Variants in PCGF3 observed in about 807,000 individuals in gnomAD.
PCGF3 encodes the protein polycomb group ring finger 3, also known as polycomb group RING finger protein 3.
Under a neutral mutation model 33.1 loss-of-function variants are expected in PCGF3, and 7 were observed. That is an observed-to-expected ratio of 0.21 (90% confidence interval 0.12 to 0.40). PCGF3 has a LOEUF of 0.40. Among genes scored for constraint, PCGF3 ranks in the 10% least tolerant of loss-of-function variants. The pLI is 1.00. For missense variants in PCGF3, 211 were observed against 313.3 expected (o/e 0.67, Z 2.46); for synonymous variants, 153 against 121.3 (o/e 1.26, Z -1.72).
intron 1 of PCGF3, among the ~76,000 whole-genome samples, chr4:726,524 C>T (rs1743340297): frequency 6.6e-6 from 1 of 152,232 alleles, no homozygotes; most frequent in South Asian, 2.1e-4. Context: ...TTTTGAATAA[C>T]TCAGGGTGCT....
At chr4:739,715 C>T (rs1444587641) in intron 6 of PCGF3, among the ~76,000 whole-genome samples, 3 of 152,216 alleles carry the variant, frequency 2.0e-5, no homozygotes, top group African/African-American at 7.2e-5. Flanking sequence ...ACCTCCGTTC[C>T]ATCGCTCGTC....
At chr4:707,355 G>T (rs1742352120) in intron 1 of PCGF3, among the ~76,000 whole-genome samples, 1 of 152,216 alleles carries the variant, frequency 6.6e-6, no homozygotes, top group Non-Finnish European at 1.5e-5. Flanking sequence ...ACGAGGGCCA[G>T]GACCCCATGA....
In PCGF3 at chr4:714,327, C is replaced by T. The variant is rs944325882; in HGVS notation, c.-190+8357C>T. Among the ~76,000 whole-genome samples the T allele has an allele frequency of 7.9e-5, 12 of 152,300 alleles. No individual in the cohort carries two copies. In the East Asian group the frequency reaches 1.7e-3, roughly 22 times the overall value. On this transcript the variant is annotated intron_variant, in intron 1 of 10. Transcript: ENST00000362003. ...CTGCCCAGACCCACTCGTGGCCGTT[C>T]GGCCGCATTTGCTTCCTCTCCTTCT...
chr4:744,485 G>T, intron 7 of PCGF3, 115 bp from the exon 8 acceptor site: 3 of 773,784 alleles, frequency 3.9e-6, no homozygotes, highest in Middle Eastern at 2.5e-4. Context: ...CGCTCCGGGG[G>T]TCCAGAGTCT....
exon 9 of PCGF3, chr4:761,344 C>T: frequency 6.2e-7 from 1 of 1,611,674 alleles, no homozygotes; most frequent in African/African-American, 1.3e-5. Context: ...GGATCCGCTG[C>T]TCAGCCCAGG....
exon 11 of PCGF3, chr4:768,387 C>G (rs1348537185): frequency 1.3e-5 from 2 of 152,220 alleles, no homozygotes; most frequent in Admixed American, 1.3e-4. Context: ...TCTTTCCTTT[C>G]TGTCAACCTC....
At chr4:723,890 C>G (rs1486156047) in intron 1 of PCGF3, 1 of 152,496 alleles carries the variant, frequency 6.6e-6, no homozygotes, top group African/African-American at 2.4e-5. Context: ...ATGGCCGCAG[C>G]GCATTCCGGG....
chr4:765,022 C>A, exon 10 of PCGF3: 1 of 1,613,990 alleles, frequency 6.2e-7, no homozygotes, highest in Non-Finnish European at 8.5e-7. Flanking sequence ...TGGGCAAGGA[C>A]CACACACTCA....
At chr4:718,436 T>G (rs1479189032) in intron 1 of PCGF3, among the ~76,000 whole-genome samples, 1 of 152,162 alleles carries the variant, frequency 6.6e-6, no homozygotes. Context: ...CCCACCTTAG[T>G]GAATGTACCT....
chr4:766,574 G>A (rs1745385873), exon 11 of PCGF3: 1 of 152,306 alleles, frequency 6.6e-6, no homozygotes, highest in Non-Finnish European at 1.5e-5. Context: ...AGATTTAGAA[G>A]TTATATAAAA....
intron 1 of PCGF3, among the ~76,000 whole-genome samples, chr4:711,701 C>T (rs1234764522): frequency 6.6e-6 from 1 of 151,684 alleles, no homozygotes; most frequent in Non-Finnish European, 1.5e-5. Flanking sequence ...TCATGATCCA[C>T]CCGCCTCGGC....
At chr4:752,036 A>C (rs1482450228) in intron 8 of PCGF3, among the ~76,000 whole-genome samples, 2 of 152,248 alleles carry the variant, frequency 1.3e-5, no homozygotes, top group Non-Finnish European at 2.9e-5. Context: ...ACTCACAACG[A>C]TGTCTTCTAA....
At chr4:734,203 A>G (rs750791043) in intron 4 of PCGF3, 54 of 1,531,496 alleles carry the variant, frequency 3.5e-5, no homozygotes, top group Non-Finnish European at 4.6e-5. Context: ...TTGGTGTTAG[A>G]GGACTCACAC....
At chr4:749,931 A>C (rs1225208785) in intron 8 of PCGF3, among the ~76,000 whole-genome samples, 1 of 152,230 alleles carries the variant, frequency 6.6e-6, no homozygotes, top group African/African-American at 2.4e-5. Context: ...CCAAGCCTCC[A>C]GAGTAGCAGA....
chr4:707,737 C>T lies in PCGF3; in HGVS notation c.-190+1767C>T, dbSNP rs534431308. ...GACAGCTCTGTTTTCACCTGGGGGCCGGGACCCTGAGACAGCTCTGTTTTC... is the reference window on the plus strand; with the variant it reads ...GACAGCTCTGTTTTCACCTGGGGGCTGGGACCCTGAGACAGCTCTGTTTTC... On this transcript the variant is annotated intron_variant, in intron 1 of 10. Transcript: ENST00000362003. 6.0e-5 allele frequency among the ~76,000 whole-genome samples: 7 copies of T among 117,184 alleles called. 1 individual carries two copies. The highest frequency in any genetic ancestry group is 5.6e-4 in the Admixed American group (7 of 12,610). 76.9% of individuals were successfully genotyped at this position (117,184 alleles called of 152,430 possible). A position where few individuals can be genotyped will look rare whatever the true frequency, so the allele number is the denominator to read the frequency against.
At chr4:751,375 T>G (rs1287440765) in intron 8 of PCGF3, among the ~76,000 whole-genome samples, 1 of 152,194 alleles carries the variant, frequency 6.6e-6, no homozygotes, top group Non-Finnish European at 1.5e-5. Flanking sequence ...TATTTAGGCT[T>G]AACGGGAGGT....
At chr4:761,946 AG>A (rs1464268631) in intron 9 of PCGF3, 4 of 985,280 alleles carry the variant, frequency 4.1e-6, no homozygotes, top group Non-Finnish European at 4.8e-6. Context: ...GGCTGTGGGC[AG>A]GAGCATGGGT....
chr4:761,477 C>T, intron 9 of PCGF3, 61 bp downstream of exon 9: 5 of 1,477,106 alleles, frequency 3.4e-6, no homozygotes, highest in Non-Finnish European at 4.5e-6. Context: ...AAAGGTAACT[C>T]CAAGATTCTT....
At chr4:751,404 G>GTTTCTGGTGTC (rs1744506219) in intron 8 of PCGF3, among the ~76,000 whole-genome samples, 1 of 151,960 alleles carries the variant, frequency 6.6e-6, no homozygotes, top group South Asian at 2.1e-4. Context: ...TTTTGTGGCC[G>GTTTCTGGTGTC]TTTCTGGTGT....
Sources: allele counts gnomAD v4.1 joint callset (sites outside exome capture counted in the v4.1 genomes callset), GRCh38; gene constraint gnomAD v4.1.1; transcripts MANE v1.5; gene names NCBI Gene and HGNC (gene_info 2026-07-23, HGNC 2026-07-21).